NAALADL2: variants seen among roughly 807,000 people sequenced by gnomAD.
NAALADL2 encodes inactive N-acetylated-alpha-linked acidic dipeptidase-like protein 2.
In NAALADL2, 76 loss-of-function variants were observed where a neutral mutation model predicts 87.2. That is an observed-to-expected ratio of 0.87 (90% CI 0.72 to 1.05). The LOEUF (loss-of-function observed/expected upper bound fraction) is 1.05, where lower values mean the gene tolerates loss of function less well. Among genes scored for constraint, NAALADL2 ranks in the 50% least tolerant of loss-of-function variants. The pLI is 0.00. For synonymous variants in NAALADL2, 354 were observed against 331.0 expected (o/e 1.07, Z -0.75); for missense variants, 1,089 against 945.8 (o/e 1.15, Z -1.99).
At chr3:175,410,150 G>A (rs546736759) in intron 5 of NAALADL2, among the ~76,000 whole-genome samples, 1 of 152,184 alleles carries the variant, frequency 6.6e-6, no homozygotes, top group South Asian at 2.1e-4. Context: ...TGCTATAAAA[G>A]TAATTACCAA....
At chr3:174,721,201 G>T (rs1389101814) in intron 2 of NAALADL2, among the ~76,000 whole-genome samples, 1 of 152,124 alleles carries the variant, frequency 6.6e-6, no homozygotes, top group Non-Finnish European at 1.5e-5. Flanking sequence ...ATAAAGCATA[G>T]TTAGTGTATT....
chr3:174,620,273 A>G (rs541086139), intron 2 of NAALADL2, among the ~76,000 whole-genome samples: 3 of 152,200 alleles, frequency 2.0e-5, no homozygotes, highest in South Asian at 2.1e-4. Context: ...TAAATAAAAC[A>G]TAGCAACACC....
chr3:174,727,639 C>T (rs1028509300), intron 2 of NAALADL2, among the ~76,000 whole-genome samples: 3 of 152,076 alleles, frequency 2.0e-5, no homozygotes, highest in Non-Finnish European at 4.4e-5. Flanking sequence ...CCCTCCCCAA[C>T]CCCAAAGCAC....
At chr3:175,016,279 A>ATATATATG (rs1473226199) in intron 1 of NAALADL2, among the ~76,000 whole-genome samples, 1 of 148,634 alleles carries the variant, frequency 6.7e-6, no homozygotes, top group Non-Finnish European at 1.5e-5. Flanking sequence ...ATATATATAA[A>ATATATATG]AAACAATAGC....
intron 5 of NAALADL2, among the ~76,000 whole-genome samples, chr3:175,334,541 T>C (rs997110995): frequency 6.6e-6 from 1 of 152,224 alleles, no homozygotes. Flanking sequence ...TTTCTTTTGG[T>C]AGGAAATAAG....
chr3:174,505,015 A>G lies in NAALADL2; in HGVS notation c.-183-45554A>G, dbSNP rs146882608. Among the ~76,000 whole-genome samples the G allele has an allele frequency of 2.8e-3, 419 of 152,308 alleles. 1 individual carries two copies. Among genetic ancestry groups the G allele is most frequent in the Non-Finnish European group, 4.6e-3 (314 of 67,996 alleles). ...TCCAAGTACACAAATTGGTCATAAC[A>G]TCAACTCTCGAAATAGAATGCAGCA... is the stretch of plus-strand genomic sequence containing the variant. On this transcript the variant is annotated intron_variant, in intron 1 of 3. Transcript: ENST00000434257.
At chr3:175,515,157 C>A (rs1731666913) in intron 9 of NAALADL2, among the ~76,000 whole-genome samples, 1 of 152,152 alleles carries the variant, frequency 6.6e-6, no homozygotes. Context: ...CATGTAAGTT[C>A]AATTTTTGTG....
chr3:175,368,570 T>A (rs1765995870), intron 5 of NAALADL2, among the ~76,000 whole-genome samples: 1 of 143,564 alleles, frequency 7.0e-6, no homozygotes, highest in Non-Finnish European at 1.5e-5. Flanking sequence ...CAGGTGTGTG[T>A]GAGTGTGTGT....
intron 3 of NAALADL2, among the ~76,000 whole-genome samples, chr3:174,786,463 A>AT (rs113434785): frequency 0.059 from 8,351 of 140,506 alleles, 309 homozygotes; most frequent in African/African-American, 0.091. Flanking sequence ...AAAAAAAAAA[A>AT]AAATAATAAA....
At chr3:174,468,027 G>C (rs1388205299) in intron 1 of NAALADL2, among the ~76,000 whole-genome samples, 1 of 152,156 alleles carries the variant, frequency 6.6e-6, no homozygotes, top group Non-Finnish European at 1.5e-5. Flanking sequence ...TTATTGCTTA[G>C]TCCAATTCTC....
rs138263670 is a variant in NAALADL2, at chr3:174,622,855, T to A, written c.-115+72218T>A. ...GGAGATGGAGACCATCCTGGCTAAC[T>A]TGGTGAAACCCCGCCTCTACTAAAA... On this transcript the variant is annotated intron_variant, in intron 2 of 3. Transcript: ENST00000434257. Among the ~76,000 whole-genome samples, 189 of 152,030 alleles carry A rather than the reference T, an allele frequency of 1.2e-3. 1 individual carries two copies. The highest frequency in any genetic ancestry group is 4.2e-3 in the African/African-American group (174 of 41,502).
At chr3:174,672,479 C>T (rs1421191990) in intron 2 of NAALADL2, among the ~76,000 whole-genome samples, 1 of 151,846 alleles carries the variant, frequency 6.6e-6, no homozygotes, top group Non-Finnish European at 1.5e-5. Flanking sequence ...TTCTGACCTT[C>T]TGGATCTTAT....
chr3:175,476,324 A>G (rs919483011), intron 9 of NAALADL2, among the ~76,000 whole-genome samples: 6 of 152,156 alleles, frequency 3.9e-5, no homozygotes, highest in African/African-American at 9.7e-5. Context: ...GGACACAGTA[A>G]GCAGATGAAA....
In NAALADL2 at chr3:174,751,777, A is replaced by G. The variant is rs531924636; in HGVS notation, c.-9+14031A>G. On this transcript the variant is annotated intron_variant, in intron 3 of 3. Transcript: ENST00000434257. ...TCTAATAACTTTCATGTACGCTTAC[A>G]TTGTGTTTGCTAATAATATTTGACT... Among the ~76,000 whole-genome samples, 6 of 151,956 alleles carry G rather than the reference A, an allele frequency of 3.9e-5. No individual in the cohort carries two copies. In the South Asian group the frequency reaches 6.2e-4, roughly 16 times the overall value.
intron 2 of NAALADL2, among the ~76,000 whole-genome samples, chr3:175,146,787 G>A (rs1230148838): frequency 6.6e-6 from 1 of 151,730 alleles, no homozygotes; most frequent in Admixed American, 6.6e-5. Context: ...GAAATTGTTG[G>A]CTTAACTTTT....
chr3:175,337,997 T>C (rs1419873379), intron 5 of NAALADL2, among the ~76,000 whole-genome samples: 1 of 152,180 alleles, frequency 6.6e-6, no homozygotes, highest in Non-Finnish European at 1.5e-5. Context: ...AATTCAGTTC[T>C]GTTCTTCTCC....
At chr3:175,255,844 G>T (rs946761250) in intron 3 of NAALADL2, among the ~76,000 whole-genome samples, 1 of 152,152 alleles carries the variant, frequency 6.6e-6, no homozygotes, top group African/African-American at 2.4e-5. Flanking sequence ...AAAGTCCTGG[G>T]TTGCTAGACT....
intron 5 of NAALADL2, among the ~76,000 whole-genome samples, chr3:175,407,385 G>C (rs528705381): frequency 3.4e-4 from 52 of 152,102 alleles, no homozygotes; most frequent in Non-Finnish European, 7.2e-4. Flanking sequence ...TTTTAAAGAA[G>C]AATCTGCTTA....
chr3:175,465,819 G>A (rs970946932), intron 7 of NAALADL2, among the ~76,000 whole-genome samples: 4 of 152,156 alleles, frequency 2.6e-5, no homozygotes, highest in Non-Finnish European at 4.4e-5. Flanking sequence ...CAATTCCTGT[G>A]TGGAAAACTA....
Sources: gnomAD v4.1 joint callset for allele counts (sites outside exome capture counted in the v4.1 genomes callset) on GRCh38, gnomAD v4.1.1 for gene constraint, MANE v1.5 for transcripts, NCBI Gene and HGNC (gene_info 2026-07-23, HGNC 2026-07-21) for gene names.